Variants in FNBP1 observed in about 807,000 individuals in gnomAD.
FNBP1 encodes formin-binding protein 1.
Under a neutral mutation model 90.6 loss-of-function variants are expected in FNBP1, and 26 were observed. That is an observed-to-expected ratio of 0.29 (90% confidence interval 0.21 to 0.40). The LOEUF is 0.40. Ranked by LOEUF, FNBP1 falls within the 10% of genes least tolerant of loss-of-function variation. FNBP1 has a pLI of 1.00. For synonymous variants in FNBP1, 260 were observed against 265.2 expected (o/e 0.98, Z 0.19); for missense variants, 635 against 768.0 (o/e 0.83, Z 2.05).
intron 1 of FNBP1, among the ~76,000 whole-genome samples, chr9:130,025,088 G>A (rs938779299): frequency 7.2e-5 from 11 of 152,050 alleles, no homozygotes; most frequent in African/African-American, 2.7e-4. Context: ...ACTGAGGCAG[G>A]AGAATTGCTT....
At chr9:129,974,285 C>G (rs2049966608) in intron 4 of FNBP1, among the ~76,000 whole-genome samples, 1 of 152,170 alleles carries the variant, frequency 6.6e-6, no homozygotes, top group Non-Finnish European at 1.5e-5. Context: ...AGCTCTGCAA[C>G]AGAGCAACAC....
At chr9:130,024,380 G>A (rs767165107) in intron 1 of FNBP1, among the ~76,000 whole-genome samples, 1 of 152,206 alleles carries the variant, frequency 6.6e-6, no homozygotes, top group Non-Finnish European at 1.5e-5. Flanking sequence ...AGGCCAGGAG[G>A]TTGAGGCTGC....
Position 129,924,937 on chromosome 9 carries a change from C to T in FNBP1, c.987+23G>A, listed in dbSNP as rs374658533. On this transcript the variant is annotated intron_variant, in intron 9 of 16. Coordinates refer to ENST00000446176, the MANE Select transcript of FNBP1 (RefSeq NM_015033.3). ...CAAAATCTCCACACCTTAGAAAACTCATTTCACGCCAACCATCAGTACCTT... is the reference window on the plus strand; with the variant it reads ...CAAAATCTCCACACCTTAGAAAACTTATTTCACGCCAACCATCAGTACCTT... 98 of 1,586,392 alleles carry T rather than the reference C, an allele frequency of 6.2e-5. 1 individual carries two copies. In the Middle Eastern group the frequency reaches 1.0e-3, roughly 16 times the overall value.
intron 1 of FNBP1, among the ~76,000 whole-genome samples, chr9:130,020,343 G>A (rs1274268230): frequency 6.6e-6 from 1 of 152,072 alleles, no homozygotes; most frequent in African/African-American, 2.4e-5. Context: ...CCAAGTAGCT[G>A]GGATTACAGG....
intron 10 of FNBP1, chr9:129,919,012 T>TC (rs1554779269): frequency 9.3e-6 from 2 of 214,864 alleles, no homozygotes; most frequent in Non-Finnish European, 2.0e-5. Context: ...TTTTTTTTTT[T>TC]TCCTGGTGTC....
Position 130,003,169 on chromosome 9 carries a change from A to C in FNBP1, c.25-8211T>G, listed in dbSNP as rs192503477. On this transcript the variant is annotated intron_variant, in intron 1 of 16. Coordinates refer to ENST00000446176, the MANE Select transcript of FNBP1 (RefSeq NM_015033.3). The stretch of plus-strand genomic sequence containing the variant: ...CCTCACAAATCTGTAATAAAAACCC[A>C]AAAATTGGCTGGGCACACGTGGCTC... Among the ~76,000 whole-genome samples, 840 of 152,130 alleles carry C rather than the reference A, an allele frequency of 5.5e-3. 10 individuals are homozygous for C. Among genetic ancestry groups the C allele is most frequent in the African/African-American group, 0.019 (780 of 41,520 alleles).
At chr9:129,912,824 C>G (rs1051269323) in intron 11 of FNBP1, among the ~76,000 whole-genome samples, 4 of 152,154 alleles carry the variant, frequency 2.6e-5, no homozygotes, top group Admixed American at 6.5e-5. Flanking sequence ...TATGGCCGCT[C>G]TTTCCAACAC....
At position 129,890,179 on chromosome 9, in the gene FNBP1, G is replaced by T. The variant is rs2034974979; in HGVS notation, c.*360C>A. ...TGATGACACTTTCACAAAAGGCACT[G>T]TGTGAAGCGCGGAAGGGCTGCCAGG... On this transcript the variant is annotated 3_prime_UTR_variant, in exon 17 of 17. Coordinates refer to ENST00000446176, the MANE Select transcript of FNBP1 (RefSeq NM_015033.3). This position sits in a 1 kb window ranked among gnomAD's most constrained non-coding sequence, Gnocchi z 5.8. The T allele has an allele frequency of 2.4e-6, 1 of 412,988 alleles. No homozygotes were observed. Among genetic ancestry groups the T allele is most frequent in the South Asian group, 4.2e-5 (1 of 23,800 alleles). 25.6% of individuals were successfully genotyped at this position (412,988 alleles called of 1,614,324 possible). A position where few individuals can be genotyped will look rare whatever the true frequency, so the allele number is the denominator to read the frequency against.
chr9:129,978,871 A>T (rs558288472), intron 3 of FNBP1, among the ~76,000 whole-genome samples: 1 of 152,330 alleles, frequency 6.6e-6, no homozygotes, highest in South Asian at 2.1e-4. Flanking sequence ...TCAAGATATA[A>T]TCCAAAATTC....
intron 1 of FNBP1, among the ~76,000 whole-genome samples, chr9:130,005,620 C>T (rs1437837368): frequency 1.3e-5 from 2 of 152,056 alleles, no homozygotes; most frequent in African/African-American, 4.8e-5. Flanking sequence ...GGCTTACAGG[C>T]GTGAGCCACT....
At chr9:130,024,245 A>AC (rs111969260) in intron 1 of FNBP1, among the ~76,000 whole-genome samples, 11,649 of 150,436 alleles carry the variant, frequency 0.077, 500 homozygotes, top group Middle Eastern at 0.14. Context: ...TCCTATCTCT[A>AC]CCCCCCCCAA....
upstream of FNBP1, chr9:130,045,231 C>T (rs1181448786): frequency 1.3e-5 from 2 of 152,162 alleles, no homozygotes; most frequent in African/African-American, 4.8e-5. Flanking sequence ...CGGCCAGCTA[C>T]CTATCTCCTA....
At position 129,979,355 on chromosome 9, in the gene FNBP1, G is replaced by T; in HGVS notation, c.160C>A (p.Gln54Lys). 2 of 1,605,384 alleles carry T rather than the reference G, an allele frequency of 1.2e-6. No individual in the cohort carries two copies. The highest frequency in any genetic ancestry group is 2.2e-5 in the East Asian group (1 of 44,740). ...TCCTCCTTCGAGTTCTTTTTAGGTT[G>T]GTACTTCTTTGAAAGATTCCTGAAA... is the stretch of plus-strand genomic sequence containing the variant. ...KQLRNLSKKYQPKKNSKEEEE... is the reference protein window; with the variant it reads ...KQLRNLSKKYKPKKNSKEEEE... The change falls in exon 3 of 17, where the codon CAA (glutamine) becomes AAA (lysine). Residue 54 changes from glutamine to lysine, a missense_variant. Gln to Lys is a moderately conservative substitution (Grantham distance 53). Coordinates refer to ENST00000446176, the MANE Select transcript of FNBP1 (RefSeq NM_015033.3).
rs1276105101 is a variant in FNBP1 at position 129,900,555 on chromosome 9, C to A, written c.1429-8G>T. The stretch of plus-strand genomic sequence containing the variant: ...AACCTCAGCCAGCCAGGCCTGGAGA[C>A]AAAAGCAATGAGAGACTCCAACCTA... On this transcript the variant is annotated splice_polypyrimidine_tract_variant and splice_region_variant and intron_variant, in intron 13 of 16. Transcript: ENST00000446176. This position sits in a 1 kb window ranked among gnomAD's most constrained non-coding sequence, Gnocchi z 4.1. 2.7e-5 allele frequency: 42 copies of A among 1,546,506 alleles called. No individual in the cohort carries two copies. Among genetic ancestry groups the A allele is most frequent in the Non-Finnish European group, 3.7e-5 (42 of 1,150,404 alleles).
intron 1 of FNBP1, among the ~76,000 whole-genome samples, chr9:130,008,356 A>G (rs1013106061): frequency 2.1e-4 from 32 of 152,056 alleles, no homozygotes; most frequent in Admixed American, 9.8e-4. Flanking sequence ...CTCAAAAAAC[A>G]AACCGAAAAA....
At chr9:129,918,082 C>G (rs940346422) in intron 10 of FNBP1, among the ~76,000 whole-genome samples, 1 of 152,206 alleles carries the variant, frequency 6.6e-6, no homozygotes, top group Admixed American at 6.5e-5. Flanking sequence ...TATATTCTTT[C>G]TTAAGCATTC....
chr9:130,049,871 G>C, the FNBP1 span, among the ~76,000 whole-genome samples: 3 of 151,898 alleles, frequency 2.0e-5, no homozygotes, highest in African/African-American at 7.3e-5. Context: ...TTTTTTGTGT[G>C]TGTTTTGTGT....
At chr9:130,030,296 G>A (rs1157752960) in intron 1 of FNBP1, among the ~76,000 whole-genome samples, 3 of 151,980 alleles carry the variant, frequency 2.0e-5, no homozygotes, top group Admixed American at 6.6e-5. Context: ...TTAGCTGGGC[G>A]TGGTGGGGCA....
intron 6 of FNBP1, among the ~76,000 whole-genome samples, chr9:129,955,215 T>C (rs1479449073): frequency 1.3e-5 from 2 of 151,380 alleles, no homozygotes; most frequent in Non-Finnish European, 2.9e-5. Flanking sequence ...AAAACAGAAA[T>C]GAAATGACAG....
Sources: gnomAD v4.1 joint callset for allele counts (sites outside exome capture counted in the v4.1 genomes callset) on GRCh38, gnomAD v4.1.1 for gene constraint, Gnocchi (gnomAD v3.1) non-coding constraint, MANE v1.5 for transcripts, NCBI Gene and HGNC (gene_info 2026-07-23, HGNC 2026-07-21) for gene names.